NSMCE2: variants seen among roughly 807,000 people sequenced by gnomAD.
The protein encoded by NSMCE2 is E3 SUMO-protein ligase NSE2.
A neutral mutation model predicts 23.8 loss-of-function variants in NSMCE2; 24 were observed. That is an observed-to-expected ratio of 1.01 (90% CI 0.73 to 1.42). NSMCE2 has a LOEUF of 1.42. Among genes scored for constraint, NSMCE2 ranks in the 40% most tolerant of loss-of-function variants. NSMCE2 has a pLI of 0.00. For synonymous variants in NSMCE2, 92 were observed against 94.1 expected (o/e 0.98, Z 0.13); for missense variants, 284 against 296.5 (o/e 0.96, Z 0.31).
At chr8:125,299,503 AACTC>A (rs1828465944) in intron 5 of NSMCE2, among the ~76,000 whole-genome samples, 1 of 152,092 alleles carries the variant, frequency 6.6e-6, no homozygotes, top group Non-Finnish European at 1.5e-5. Context: ...ATCTCAAGAG[AACTC>A]ACTCACTATG....
chr8:125,232,507 CA>C (rs1386212415), intron 5 of NSMCE2, among the ~76,000 whole-genome samples: 4 of 152,160 alleles, frequency 2.6e-5, no homozygotes, highest in Non-Finnish European at 5.9e-5. Context: ...AAAGGTGACA[CA>C]TTTATTACCA....
intron 5 of NSMCE2, among the ~76,000 whole-genome samples, chr8:125,203,916 T>A (rs1294252044): frequency 6.6e-6 from 1 of 152,166 alleles, no homozygotes; most frequent in Non-Finnish European, 1.5e-5. Flanking sequence ...AAAATAAAAT[T>A]TCAGTGTTAG....
At chr8:125,188,600 T>G (rs1823212253) in intron 5 of NSMCE2, among the ~76,000 whole-genome samples, 2 of 152,254 alleles carry the variant, frequency 1.3e-5, no homozygotes, top group Non-Finnish European at 2.9e-5. Flanking sequence ...ACAAAACTGT[T>G]AGTTTGTAAC....
At chr8:125,148,182 G>A (rs1820794752) in intron 3 of NSMCE2, among the ~76,000 whole-genome samples, 1 of 152,100 alleles carries the variant, frequency 6.6e-6, no homozygotes, top group African/African-American at 2.4e-5. Context: ...TTGGGCCCTG[G>A]AGCCTGAACT....
chr8:125,302,986 T>C (rs1217323965), intron 5 of NSMCE2, among the ~76,000 whole-genome samples: 1 of 152,104 alleles, frequency 6.6e-6, no homozygotes, highest in Non-Finnish European at 1.5e-5. Context: ...GGTAACGCAG[T>C]GTCCATGCTG....
intron 5 of NSMCE2, among the ~76,000 whole-genome samples, chr8:125,217,002 C>A (rs1478842645): frequency 6.6e-6 from 1 of 152,180 alleles, no homozygotes; most frequent in Non-Finnish European, 1.5e-5. Flanking sequence ...TGTGTGGATG[C>A]AGTTATATAT....
intron 4 of NSMCE2, among the ~76,000 whole-genome samples, chr8:125,167,301 G>A (rs1487727963): frequency 6.6e-6 from 1 of 152,196 alleles, no homozygotes; most frequent in Non-Finnish European, 1.5e-5. Context: ...TGAATTTGAT[G>A]TAAAACAGAA....
intron 3 of NSMCE2, among the ~76,000 whole-genome samples, chr8:125,116,643 T>C (rs1586454283): frequency 1.3e-5 from 2 of 152,158 alleles, no homozygotes; most frequent in African/African-American, 4.8e-5. Context: ...AACTAATCAA[T>C]AGAGCAGGTC....
At chr8:125,193,446 CAT>C (rs1427207490) in intron 5 of NSMCE2, among the ~76,000 whole-genome samples, 3 of 152,304 alleles carry the variant, frequency 2.0e-5, no homozygotes, top group African/African-American at 7.2e-5. Flanking sequence ...GGCTAATAAA[CAT>C]ATGAAAAATA....
At chr8:125,258,457 C>T (rs188326824) in intron 5 of NSMCE2, among the ~76,000 whole-genome samples, 286 of 152,012 alleles carry the variant, frequency 1.9e-3, no homozygotes, top group African/African-American at 5.9e-3. Context: ...CATTCACCCC[C>T]GCTCCCCCCA....
At chr8:125,210,336 A>ATCATGTT (rs1309987008) in intron 5 of NSMCE2, among the ~76,000 whole-genome samples, 1 of 152,170 alleles carries the variant, frequency 6.6e-6, no homozygotes, top group Non-Finnish European at 1.5e-5. Flanking sequence ...ATATATGCTA[A>ATCATGTT]TCATGTTTTT....
chr8:125,333,615 C>T (rs1264138031), intron 5 of NSMCE2, among the ~76,000 whole-genome samples: 2 of 141,162 alleles, frequency 1.4e-5, no homozygotes, highest in African/African-American at 2.6e-5. Flanking sequence ...CCCGGGTTCA[C>T]GCCATTCTCC....
chr8:125,350,015 C>T (rs2131348425), intron 5 of NSMCE2, among the ~76,000 whole-genome samples: 1 of 152,198 alleles, frequency 6.6e-6, no homozygotes. Flanking sequence ...AAAAATATGC[C>T]CACTCCTGCC....
intron 5 of NSMCE2, among the ~76,000 whole-genome samples, chr8:125,253,785 A>G (rs1826294078): frequency 6.6e-6 from 1 of 152,174 alleles, no homozygotes; most frequent in Non-Finnish European, 1.5e-5. Flanking sequence ...TCCATTTCCT[A>G]AATGTTCTAC....
chr8:125,158,219 T>C (rs1168438040), intron 4 of NSMCE2, among the ~76,000 whole-genome samples: 2 of 152,114 alleles, frequency 1.3e-5, no homozygotes, highest in East Asian at 3.9e-4. Flanking sequence ...CCTTCCAAAA[T>C]GAGCCTTAAA....
chr8:125,362,464 C>T (rs77368857), intron 7 of NSMCE2, among the ~76,000 whole-genome samples: 4,295 of 152,274 alleles, frequency 0.028, 84 homozygotes, highest in Non-Finnish European at 0.038. Context: ...CTCCTCTCCA[C>T]GAGCTTCTTG....
At chr8:125,209,321 T>G (rs1360368592) in intron 5 of NSMCE2, among the ~76,000 whole-genome samples, 4 of 152,214 alleles carry the variant, frequency 2.6e-5, no homozygotes, top group African/African-American at 9.6e-5. Context: ...TTGAGTGATG[T>G]CAACTGGGTA....
intron 5 of NSMCE2, among the ~76,000 whole-genome samples, chr8:125,302,437 G>A (rs1420101595): frequency 6.6e-6 from 1 of 152,172 alleles, no homozygotes; most frequent in Non-Finnish European, 1.5e-5. Context: ...AAGGAAAGTA[G>A]GAGATGAGAT....
At chr8:125,198,666 C>G (rs1823735084) in intron 5 of NSMCE2, among the ~76,000 whole-genome samples, 9 of 152,196 alleles carry the variant, frequency 5.9e-5, no homozygotes, top group Admixed American at 5.9e-4. Context: ...TGTTGTGTCT[C>G]TGCCAGGCTT....
Sources: allele counts gnomAD v4.1 joint callset (sites outside exome capture counted in the v4.1 genomes callset), GRCh38; gene constraint gnomAD v4.1.1; transcripts MANE v1.5; gene names NCBI Gene and HGNC (gene_info 2026-07-23, HGNC 2026-07-21).